DENND1A: variants seen among roughly 807,000 people sequenced by gnomAD.
DENND1A encodes DENN domain-containing protein 1A.
A neutral mutation model predicts 113.7 loss-of-function variants in DENND1A; 51 were observed. The observed-to-expected ratio is 0.45, with a 90% CI of 0.36 to 0.57. The LOEUF (loss-of-function observed/expected upper bound fraction) is 0.57, where lower values mean the gene tolerates loss of function less well. Among genes scored for constraint, DENND1A ranks in the 20% least tolerant of loss-of-function variants. The pLI is 0.00. For missense variants in DENND1A, 1,258 were observed against 1,395.9 expected, an observed-to-expected ratio of 0.90 and a Z score of 1.57; for synonymous variants, 565 against 570.8, an observed-to-expected ratio of 0.99 and a Z score of 0.14.
chr9:123,734,865 G>T (rs1008296714), intron 5 of DENND1A, among the ~76,000 whole-genome samples: 2 of 152,090 alleles, frequency 1.3e-5, no homozygotes, highest in Non-Finnish European at 2.9e-5. Flanking sequence ...AAAAAAAGCC[G>T]TGTTAGCTTT....
chr9:123,393,490 A>G (rs1410625352), intron 21 of DENND1A, among the ~76,000 whole-genome samples: 2 of 151,894 alleles, frequency 1.3e-5, no homozygotes, highest in Non-Finnish European at 1.5e-5. Flanking sequence ...TCAGCCCAGG[A>G]GTTCCAGGCC....
rs747646467 is a variant in DENND1A, at chr9:123,382,676, A to ATGTGTGCCCATTCCCACACCACTTC, written c.2020-76_2020-52dup. 2.8e-4 allele frequency: 440 copies of ATGTGTGCCCATTCCCACACCACTTC among 1,571,934 alleles called. 7 individuals are homozygous for ATGTGTGCCCATTCCCACACCACTTC. The highest frequency in any genetic ancestry group is 3.8e-4 in the Admixed American group (22 of 58,500). On this transcript the variant is annotated intron_variant, in intron 23 of 23. Transcript: ENST00000394215. ...GTGACCACGGGCTGAGTTGGGACAT[A>ATGTGTGCCCATTCCCACACCACTTC]TGTGTGCCCATTCCCACACCACTTC...
At chr9:123,575,822 T>C (rs2058605745) in intron 12 of DENND1A, among the ~76,000 whole-genome samples, 2 of 152,228 alleles carry the variant, frequency 1.3e-5, no homozygotes, top group African/African-American at 4.8e-5. Flanking sequence ...GGCTGGTATA[T>C]CTTTTTTATC....
intron 13 of DENND1A, among the ~76,000 whole-genome samples, chr9:123,474,215 G>A (rs1314579884): frequency 6.6e-6 from 1 of 151,922 alleles, no homozygotes; most frequent in East Asian, 1.9e-4. Flanking sequence ...GGCTGGTCTC[G>A]AATTCCTGAC....
chr9:123,753,368 AG>A (rs987422955), intron 5 of DENND1A, among the ~76,000 whole-genome samples: 18 of 152,246 alleles, frequency 1.2e-4, no homozygotes, highest in African/African-American at 4.3e-4. Context: ...TGTTGCACAA[AG>A]GGTGTCTAAA....
At chr9:123,516,155 C>CAA (rs145528624) in intron 13 of DENND1A, among the ~76,000 whole-genome samples, 10 of 103,000 alleles carry the variant, frequency 9.7e-5, no homozygotes, top group African/African-American at 4.5e-4. Context: ...CACACACACA[C>CAA]AAAGGTTGGG....
chr9:123,837,429 T>C (rs563957543), intron 2 of DENND1A, among the ~76,000 whole-genome samples: 1 of 152,286 alleles, frequency 6.6e-6, no homozygotes, highest in Admixed American at 6.5e-5. Context: ...AACAATCAGA[T>C]ACCTATCCAG....
intron 10 of DENND1A, among the ~76,000 whole-genome samples, chr9:123,610,549 G>A (rs1259538003): frequency 3.9e-5 from 6 of 152,162 alleles, no homozygotes; most frequent in Admixed American, 3.9e-4. Context: ...CTTTCCTTTG[G>A]GTTAGGGGAA....
At chr9:123,459,375 A>T (rs777647112) in intron 13 of DENND1A, among the ~76,000 whole-genome samples, 2 of 152,238 alleles carry the variant, frequency 1.3e-5, no homozygotes, top group Non-Finnish European at 2.9e-5. Flanking sequence ...CCATTTACAC[A>T]GTGACCTTAA....
At position 123,820,600 on chromosome 9, in the gene DENND1A, A is replaced by G. The variant is rs568637232; in HGVS notation, c.89-27970T>C. 1.1e-4 allele frequency among the ~76,000 whole-genome samples: 16 copies of G among 152,336 alleles called. No individual in the cohort carries two copies. In the South Asian group the frequency reaches 2.9e-3, roughly 28 times the overall value. On this transcript the variant is annotated intron_variant, in intron 2 of 23. Transcript: ENST00000394215. Reference sequence around the variant, plus strand: ...ACCCAAGGTAGCCCAGCCAATCCACAGAAGCATGAGAGATAATAAATCATT... The same window carrying G: ...ACCCAAGGTAGCCCAGCCAATCCACGGAAGCATGAGAGATAATAAATCATT...
At chr9:123,460,043 G>A (rs1285175945) in intron 13 of DENND1A, among the ~76,000 whole-genome samples, 1 of 151,836 alleles carries the variant, frequency 6.6e-6, no homozygotes, top group African/African-American at 2.4e-5. Flanking sequence ...GTATTTGTTT[G>A]GGAAAAAAGT....
chr9:123,805,584 C>A (rs1214644472), intron 2 of DENND1A, among the ~76,000 whole-genome samples: 1 of 151,954 alleles, frequency 6.6e-6, no homozygotes, highest in Non-Finnish European at 1.5e-5. Flanking sequence ...CAGGCGCCTG[C>A]CACCATGCCC....
At chr9:123,401,911 T>C in intron 21 of DENND1A, 1 of 1,614,184 alleles carries the variant, frequency 6.2e-7, no homozygotes, top group Non-Finnish European at 8.5e-7. Context: ...GCAATGGTGT[T>C]TCTGTGTAAT....
intron 13 of DENND1A, among the ~76,000 whole-genome samples, chr9:123,557,058 G>A (rs1386092853): frequency 6.6e-6 from 1 of 152,266 alleles, no homozygotes; most frequent in Admixed American, 6.5e-5. Context: ...CAGGAGCCAT[G>A]AGGCGTGAGA....
chr9:123,444,264 T>C (rs1405693694), intron 18 of DENND1A, among the ~76,000 whole-genome samples: 1 of 152,222 alleles, frequency 6.6e-6, no homozygotes, highest in African/African-American at 2.4e-5. Context: ...GTCTTACCTA[T>C]GTGGATATTT....
chr9:123,533,412 A>G (rs1349010915), intron 13 of DENND1A, among the ~76,000 whole-genome samples: 2 of 152,218 alleles, frequency 1.3e-5, no homozygotes, highest in Non-Finnish European at 1.5e-5. Context: ...GACTATTCCA[A>G]TATCTTTGGG....
chr9:123,413,350 T>G (rs997969257), intron 19 of DENND1A: 1 of 900,380 alleles, frequency 1.1e-6, no homozygotes, highest in Non-Finnish European at 1.3e-6. Context: ...TTCACCTGTT[T>G]ATGTTTCACA....
intron 2 of DENND1A, among the ~76,000 whole-genome samples, chr9:123,871,048 G>A (rs544073563): frequency 1.3e-5 from 2 of 152,054 alleles, no homozygotes; most frequent in African/African-American, 2.4e-5. Flanking sequence ...AGCTCCCCCC[G>A]CCATACCACT....
chr9:123,859,786 T>A (rs1393306441), intron 2 of DENND1A, among the ~76,000 whole-genome samples: 1 of 152,150 alleles, frequency 6.6e-6, no homozygotes. Context: ...TATGGAAATT[T>A]TAAAAAATGT....
Sources: allele counts gnomAD v4.1 joint callset (sites outside exome capture counted in the v4.1 genomes callset), GRCh38; gene constraint gnomAD v4.1.1; transcripts MANE v1.5; gene names NCBI Gene and HGNC (gene_info 2026-07-23, HGNC 2026-07-21).